Variants in FRMD4A observed in about 807,000 individuals in gnomAD.
FRMD4A encodes FERM domain containing 4A.
In FRMD4A, 29 loss-of-function variants were observed where a neutral mutation model predicts 129.1. That is an observed-to-expected ratio of 0.22 (90% CI 0.17 to 0.31). The LOEUF is 0.31. Among genes scored for constraint, FRMD4A ranks in the 10% least tolerant of loss-of-function variants. FRMD4A has a pLI of 1.00. For synonymous variants in FRMD4A, 634 were observed against 571.6 expected (o/e 1.11, Z -1.56); for missense variants, 1,272 against 1,375.8 (o/e 0.92, Z 1.19).
chr10:14,284,961 C>T (rs1589264733), intron 2 of FRMD4A, among the ~76,000 whole-genome samples: 1 of 152,272 alleles, frequency 6.6e-6, no homozygotes, highest in Middle Eastern at 3.4e-3. Context: ...GGAACCACAT[C>T]CTAGGATATA....
intron 2 of FRMD4A, among the ~76,000 whole-genome samples, chr10:14,299,213 C>CA (rs1301229521): frequency 2.0e-5 from 3 of 152,142 alleles, no homozygotes; most frequent in Non-Finnish European, 4.4e-5. Flanking sequence ...AACTTCTTGT[C>CA]AAAGTGTCCA....
At chr10:14,254,806 T>A (rs1282896453) in intron 2 of FRMD4A, among the ~76,000 whole-genome samples, 1 of 151,568 alleles carries the variant, frequency 6.6e-6, no homozygotes, top group Non-Finnish European at 1.5e-5. Flanking sequence ...CGAAAAAAAA[T>A]AATAGCCTAG....
At position 13,984,738 on chromosome 10, in the gene FRMD4A, C is replaced by A. The variant is rs1588674454; in HGVS notation, c.46-125826G>T. On this transcript the variant is annotated intron_variant, in intron 2 of 24. Coordinates refer to ENST00000357447, the MANE Select transcript of FRMD4A (RefSeq NM_018027.5). ...TCCTTTTTAAGGCTGAGTAATGTTC[C>A]ATTGTATGGAGAGACCACATTCATC... is the stretch of plus-strand genomic sequence containing the variant. 2.0e-5 allele frequency among the ~76,000 whole-genome samples: 3 copies of A among 152,156 alleles called. No individual in the cohort carries two copies. The South Asian group carries it at 6.2e-4, about 31-fold the overall frequency.
chr10:13,938,334 C>T (rs1305696063), intron 2 of FRMD4A, among the ~76,000 whole-genome samples: 4 of 152,162 alleles, frequency 2.6e-5, no homozygotes, highest in South Asian at 4.2e-4. Context: ...CTCTGCCCCC[C>T]GGGTTCAAGC....
rs547906293 is a variant in FRMD4A at position 13,916,995 on chromosome 10, A to G, written c.46-58083T>C. Reference sequence around the variant, plus strand: ...TTATACTTGGATTGTTCTAAGTAGGAAAAGAATTGTCTCTGTGTGCTCACC... The same window carrying G: ...TTATACTTGGATTGTTCTAAGTAGGGAAAGAATTGTCTCTGTGTGCTCACC... On this transcript the variant is annotated intron_variant, in intron 2 of 24. Transcript: ENST00000357447. 4.6e-5 allele frequency among the ~76,000 whole-genome samples: 7 copies of G among 152,350 alleles called. No homozygotes were observed. In the East Asian group the frequency reaches 1.4e-3, roughly 29 times the overall value.
intron 9 of FRMD4A, among the ~76,000 whole-genome samples, chr10:13,743,274 C>T (rs1418579933): frequency 1.3e-5 from 2 of 152,134 alleles, no homozygotes; most frequent in Non-Finnish European, 2.9e-5. Context: ...AAGGGCAGGC[C>T]CAGCCTCACT....
chr10:14,146,657 A>G (rs998700936), intron 2 of FRMD4A, among the ~76,000 whole-genome samples: 1 of 152,192 alleles, frequency 6.6e-6, no homozygotes, highest in African/African-American at 2.4e-5. Flanking sequence ...CTTACTTATG[A>G]CACTAATGAC....
chr10:13,909,952 T>C (rs2131222641), intron 2 of FRMD4A, among the ~76,000 whole-genome samples: 1 of 152,372 alleles, frequency 6.6e-6, no homozygotes, highest in South Asian at 2.1e-4. Flanking sequence ...AAAAAAGCAC[T>C]GTAATTAAAG....
In FRMD4A at chr10:13,657,052, G is replaced by A. The variant is rs139520397; in HGVS notation, c.2537C>T (p.Thr846Met). 5.6e-5 allele frequency: 88 copies of A among 1,572,784 alleles called. No individual in the cohort carries two copies. In the African/African-American group the frequency reaches 6.5e-4, roughly 12 times the overall value. Reference protein sequence around the residue: ...EYPLYIEGGATPVVVRSLESD... With the variant: ...EYPLYIEGGAMPVVVRSLESD... ...CTCCAGGCTGCGCACCACCACGGGC[G>A]TGGCGCCGCCCTCGATGTACAGCGG... Residue 846 changes from threonine (T) to methionine (M), a missense_variant, in exon 22 of 25, where the codon ACG (threonine) becomes ATG (methionine). Physicochemically the swap from Thr to Met is moderately conservative, Grantham distance 81. Transcript: ENST00000357447.
intron 2 of FRMD4A, among the ~76,000 whole-genome samples, chr10:14,260,098 C>T (rs1395094034): frequency 2.0e-5 from 3 of 151,604 alleles, no homozygotes; most frequent in African/African-American, 7.3e-5. Context: ...AAGGCTATCA[C>T]TTGACATTGT....
chr10:13,644,482 CATG>C lies in FRMD4A; in HGVS notation c.*2553_*2555del, dbSNP rs910761203. ...ATCTCTGTCTTGACTACCAGACTAT[CATG>C]ATGTTTGTTGGAACTGTAATTCCTG... On this transcript the variant is annotated 3_prime_UTR_variant, in exon 25 of 25. Coordinates refer to ENST00000357447, the MANE Select transcript of FRMD4A (RefSeq NM_018027.5). The C allele has an allele frequency of 1.3e-5, 2 of 152,228 alleles. No homozygotes were observed. The highest frequency in any genetic ancestry group is 2.4e-5 in the African/African-American group (1 of 41,446). The allele number at this position is 152,228 out of a possible 1,614,324, so 9.4% of individuals were successfully genotyped here.
chr10:14,203,159 C>T (rs1425867116), intron 2 of FRMD4A, among the ~76,000 whole-genome samples: 1 of 152,202 alleles, frequency 6.6e-6, no homozygotes, highest in African/African-American at 2.4e-5. Flanking sequence ...ATTCACTGGC[C>T]TGCCTCCTCT....
At chr10:13,881,426 G>T (rs2131123529) in intron 2 of FRMD4A, among the ~76,000 whole-genome samples, 1 of 152,110 alleles carries the variant, frequency 6.6e-6, no homozygotes, top group African/African-American at 2.4e-5. Context: ...GGGCCAGAGA[G>T]AGACAGAGAG....
At chr10:14,093,543 A>C (rs1836773845) in intron 2 of FRMD4A, among the ~76,000 whole-genome samples, 1 of 152,214 alleles carries the variant, frequency 6.6e-6, no homozygotes. Context: ...CACACTCACA[A>C]TGCTCACACC....
intron 12 of FRMD4A, among the ~76,000 whole-genome samples, chr10:13,725,332 C>T (rs1207273489): frequency 6.6e-6 from 1 of 152,176 alleles, no homozygotes; most frequent in Non-Finnish European, 1.5e-5. Flanking sequence ...GGCCTGGAGA[C>T]TGACTTCAGA....
At chr10:14,162,355 C>T (rs1840934650) in intron 2 of FRMD4A, among the ~76,000 whole-genome samples, 2 of 152,358 alleles carry the variant, frequency 1.3e-5, no homozygotes, top group South Asian at 4.1e-4. Context: ...AATGTAGTTG[C>T]TCCCAGTGAC....
At chr10:13,865,816 A>T (rs936367547) in intron 2 of FRMD4A, among the ~76,000 whole-genome samples, 1 of 152,136 alleles carries the variant, frequency 6.6e-6, no homozygotes, top group African/African-American at 2.4e-5. Context: ...TTTAAAACAA[A>T]AAGTAAAAAA....
At chr10:13,717,611 G>A (rs897765633) in intron 12 of FRMD4A, among the ~76,000 whole-genome samples, 45 of 82,906 alleles carry the variant, frequency 5.4e-4, no homozygotes, top group Non-Finnish European at 8.5e-4. Context: ...AACGCACCCG[G>A]CTAAATTTTT....
At chr10:13,753,541 A>ATTTTTTTTTT (rs35813128) in intron 8 of FRMD4A, among the ~76,000 whole-genome samples, 1 of 115,308 alleles carries the variant, frequency 8.7e-6, no homozygotes, top group Admixed American at 1.0e-4. Context: ...GTACCTTTCT[A>ATTTTTTTTTT]TTTTTTTTTT....
Sources: gnomAD v4.1 joint callset for allele counts (sites outside exome capture counted in the v4.1 genomes callset) on GRCh38, gnomAD v4.1.1 for gene constraint, MANE v1.5 for transcripts, NCBI Gene and HGNC (gene_info 2026-07-23, HGNC 2026-07-21) for gene names.